AKAP9: variants seen among roughly 807,000 people sequenced by gnomAD.
AKAP9 encodes A-kinase anchoring protein 9.
AKAP9 carries 311 observed loss-of-function variants against 488.5 expected under a neutral mutation model. The ratio of observed to expected loss-of-function variants is 0.64; its 90% CI spans 0.58 to 0.70. The LOEUF (loss-of-function observed/expected upper bound fraction) is 0.70. AKAP9 is among the 30% of genes least tolerant of loss of function. The pLI is 0.00. For missense variants in AKAP9, 4,215 were observed against 4,374.5 expected (o/e 0.96, Z 1.03); for synonymous variants, 1,462 against 1,483.5 (o/e 0.99, Z 0.33).
In AKAP9 at chr7:92,107,380, C is replaced by A. The variant is rs1818682423; in HGVS notation, c.11504C>A (p.Ser3835Ter). The part of the protein sequence containing the change: ...EPRHTTYRSR[S>*]DLDYIRSPLP... ...AGACATACTACGTATCGCTCAAGAT[C>A]AGATCTGGACTATATTAGGTCCCCT... Residue 3835 changes from serine to a stop codon, truncating the protein, a stop_gained, in exon 48 of 50, where the codon TCA becomes TAA. Transcript: ENST00000356239. LOFTEE classifies it high-confidence loss of function. 1 of 1,613,610 alleles carries A rather than the reference C, an allele frequency of 6.2e-7. No homozygotes were observed. Among genetic ancestry groups the A allele is most frequent in the Non-Finnish European group, 8.5e-7 (1 of 1,179,822 alleles).
chr7:92,082,041 A>T (rs1474159296), intron 31 of AKAP9, among the ~76,000 whole-genome samples: 2 of 152,042 alleles, frequency 1.3e-5, no homozygotes. Context: ...GTCTTGGCTC[A>T]TTGCAACCTC....
At chr7:91,979,104 G>A (rs112726863) in intron 2 of AKAP9, among the ~76,000 whole-genome samples, 8,579 of 151,968 alleles carry the variant, frequency 0.056, 348 homozygotes, top group Middle Eastern at 0.11. Context: ...AGCATTTTAG[G>A]ACTTTGTTTC....
At chr7:92,067,300 T>C (rs1251362297) in intron 26 of AKAP9, among the ~76,000 whole-genome samples, 1 of 152,236 alleles carries the variant, frequency 6.6e-6, no homozygotes, top group Non-Finnish European at 1.5e-5. Flanking sequence ...TCTGCTTAGA[T>C]GTCTCAAAAT....
chr7:91,986,872 G>A (rs905095062), intron 3 of AKAP9, among the ~76,000 whole-genome samples: 9 of 151,392 alleles, frequency 5.9e-5, no homozygotes, highest in African/African-American at 1.9e-4. Context: ...TTTTACATAC[G>A]TTTGTAATTT....
intron 26 of AKAP9, 87 bp downstream of exon 26, chr7:92,066,633 A>G: frequency 6.7e-7 from 1 of 1,499,740 alleles, no homozygotes. Flanking sequence ...TTAAAAGTGG[A>G]TTCTTTCCTT....
At position 91,944,280 on chromosome 7, in the gene AKAP9, G is replaced by C. The variant is rs35941994; in HGVS notation, c.48+3133G>C. 1.2e-3 allele frequency among the ~76,000 whole-genome samples: 189 copies of C among 152,056 alleles called. 1 individual carries two copies. Among genetic ancestry groups the C allele is most frequent in the African/African-American group, 4.4e-3 (183 of 41,476 alleles). ...GAAAAAAAGCACCAAGATGTAAATC[G>C]TGGCTATCTCTGGGTGGTGGCTTAT... On this transcript the variant is annotated intron_variant, in intron 1 of 49. Transcript: ENST00000356239.
At chr7:92,036,864 C>T (rs754178304) in intron 16 of AKAP9, among the ~76,000 whole-genome samples, 1 of 152,018 alleles carries the variant, frequency 6.6e-6, no homozygotes. Flanking sequence ...GACATTTTGC[C>T]GTAATGGGTA....
At chr7:92,060,956 T>C (rs566858945) in intron 22 of AKAP9, among the ~76,000 whole-genome samples, 1 of 152,296 alleles carries the variant, frequency 6.6e-6, no homozygotes, top group African/African-American at 2.4e-5. Flanking sequence ...ACTTTATATC[T>C]TCTTTTATAT....
Position 91,977,551 on chromosome 7 carries a change from G to A in AKAP9, c.307-2738G>A, listed in dbSNP as rs142667941. The stretch of plus-strand genomic sequence containing the variant: ...AGCCTGGGCGACAGAGCGAGACTCC[G>A]TCTCAAAAAAAGAAAAAACCAAGAC... On this transcript the variant is annotated intron_variant, in intron 2 of 49. Transcript: ENST00000356239. Among the ~76,000 whole-genome samples the A allele has an allele frequency of 2.8e-3, 421 of 152,222 alleles. 2 individuals are homozygous for A. Among genetic ancestry groups the A allele is most frequent in the African/African-American group, 9.5e-3 (394 of 41,556 alleles).
chr7:92,081,630 C>T (rs965538112), intron 31 of AKAP9, among the ~76,000 whole-genome samples: 1 of 151,644 alleles, frequency 6.6e-6, no homozygotes, highest in Non-Finnish European at 1.5e-5. Context: ...TGCGCCTGGC[C>T]AGCTTTTACA....
intron 37 of AKAP9, 52 bp downstream of exon 37, chr7:92,086,468 T>C: frequency 7.0e-7 from 1 of 1,433,058 alleles, no homozygotes; most frequent in Non-Finnish European, 9.8e-7. Context: ...AGGAAATGAC[T>C]ATTGATTTTA....
Position 92,086,409 on chromosome 7 carries a change from A to T in AKAP9, c.9206A>T (p.Gln3069Leu). 1 of 1,612,434 alleles carries T rather than the reference A, an allele frequency of 6.2e-7. No individual in the cohort carries two copies. The highest frequency in any genetic ancestry group is 8.5e-7 in the Non-Finnish European group (1 of 1,178,504). ...CTAAACTGTTTGGAACAGAGAATAC[A>T]AGAACAGGTATAATGAAACTTCATT... The part of the protein sequence containing the change: ...GLLNCLEQRI[Q>L]EQGVEYQAAM... The change falls in exon 37 of 50, where the codon CAA becomes CTA. Residue 3069 changes from glutamine to leucine, a missense_variant. Gln to Leu is a moderately radical substitution (Grantham distance 113, BLOSUM62 -2). Around this residue, in one of 5 missense-constraint regions of AKAP9, gnomAD observed 1,476 missense variants for 1,477.4 expected, o/e 1.00. Transcript: ENST00000356239.
At chr7:92,005,796 G>A (rs1755053626) in intron 8 of AKAP9, among the ~76,000 whole-genome samples, 1 of 148,882 alleles carries the variant, frequency 6.7e-6, no homozygotes. Flanking sequence ...CTCCTGAGTA[G>A]CTGGGATTAC....
chr7:92,008,292 G>A (rs927807444), intron 8 of AKAP9, among the ~76,000 whole-genome samples: 66 of 151,750 alleles, frequency 4.3e-4, no homozygotes, highest in African/African-American at 1.4e-3. Flanking sequence ...GATTGAACCC[G>A]GGAGGCAGAG....
intron 22 of AKAP9, among the ~76,000 whole-genome samples, chr7:92,056,742 G>T (rs973348801): frequency 2.0e-5 from 3 of 151,852 alleles, no homozygotes; most frequent in Admixed American, 2.0e-4. Context: ...ACTGTGAAAT[G>T]GTTTGAGTAC....
At chr7:92,063,423 T>C (rs1367076237) in intron 24 of AKAP9, 7 of 950,210 alleles carry the variant, frequency 7.4e-6, no homozygotes, top group Non-Finnish European at 7.4e-6. Context: ...AATTATACTT[T>C]TGTTGTGTCT....
At position 92,061,325 on chromosome 7, in the gene AKAP9, A is replaced by T. The variant is rs1345759119; in HGVS notation, c.5667A>T (p.Ala1889=). ...MRESFRQKQE[A]TESLKCQEEL... is the part of the protein sequence containing the mutation. ...AGTCATTTAGACAGAAACAAGAAGCAACAGAGTCCCTTAAGTGCCAAGAGG... is the reference window on the plus strand; with the variant it reads ...AGTCATTTAGACAGAAACAAGAAGCTACAGAGTCCCTTAAGTGCCAAGAGG... Residue 1889 remains alanine, a synonymous_variant, in exon 23 of 50, where the codon GCA becomes GCT. Transcript: ENST00000356239. 6.2e-7 allele frequency: 1 copy of T among 1,613,250 alleles called. No homozygotes were observed.
intron 28 of AKAP9, among the ~76,000 whole-genome samples, chr7:92,074,804 C>G (rs965440244): frequency 3.9e-5 from 6 of 152,040 alleles, no homozygotes; most frequent in African/African-American, 1.4e-4. Context: ...TAAGTGGAAG[C>G]TGAACAATGA....
chr7:92,014,412 G>T, intron 10 of AKAP9, 84 bp downstream of exon 10: 1 of 996,830 alleles, frequency 1.0e-6, no homozygotes, highest in Non-Finnish European at 1.6e-6. Flanking sequence ...GAGGTGGTCA[G>T]ATCACTTGAG....
Sources: gnomAD v4.1 joint callset for allele counts (sites outside exome capture counted in the v4.1 genomes callset) on GRCh38, gnomAD v4.1.1 for gene constraint, gnomAD v4.1.1 regional missense constraint, MANE v1.5 for transcripts, NCBI Gene and HGNC (gene_info 2026-07-23, HGNC 2026-07-21) for gene names.